TYW1: variants seen among roughly 807,000 people sequenced by gnomAD.
TYW1 encodes the protein tRNA-yW synthesizing protein 1 homolog, also known as S-adenosyl-L-methionine-dependent tRNA 4-demethylwyosine synthase TYW1.
TYW1 carries 46 observed loss-of-function variants against 96.2 expected under a neutral mutation model. That is an observed-to-expected ratio of 0.48 (90% confidence interval 0.38 to 0.61). The LOEUF is 0.61. Ranked by LOEUF, TYW1 falls within the 20% of genes least tolerant of loss-of-function variation. The pLI, the probability that TYW1 is intolerant of heterozygous loss-of-function variation, is 0.00. For missense variants in TYW1, 684 were observed against 909.6 expected, an observed-to-expected ratio of 0.75 and a Z score of 3.19; for synonymous variants, 274 against 323.0, an observed-to-expected ratio of 0.85 and a Z score of 1.63.
intron 13 of TYW1, among the ~76,000 whole-genome samples, chr7:67,178,135 G>T (rs1341099929): frequency 6.6e-6 from 1 of 151,550 alleles, no homozygotes; most frequent in African/African-American, 2.4e-5. Flanking sequence ...CTGCACTCCA[G>T]CCTGAGTGGT....
At chr7:67,031,813 A>G (rs1415841255) in intron 7 of TYW1, among the ~76,000 whole-genome samples, 1 of 147,416 alleles carries the variant, frequency 6.8e-6, no homozygotes, top group Non-Finnish European at 1.5e-5. Flanking sequence ...GTGCCTTTAC[A>G]AATGGAGAGA....
intron 13 of TYW1, among the ~76,000 whole-genome samples, chr7:67,142,135 G>A (rs535172923): frequency 2.3e-4 from 35 of 152,162 alleles, no homozygotes; most frequent in Admixed American, 1.3e-3. Flanking sequence ...TTGTTCTGTC[G>A]CCCAGGCTGG....
At chr7:67,002,308 C>T (rs1422361396) in intron 3 of TYW1, among the ~76,000 whole-genome samples, 4 of 151,076 alleles carry the variant, frequency 2.6e-5, no homozygotes, top group Admixed American at 6.7e-5. Context: ...TCTAGGATTA[C>T]AGGCATGAAC....
At chr7:67,064,284 G>C (rs1256233411) in intron 9 of TYW1, among the ~76,000 whole-genome samples, 4 of 152,202 alleles carry the variant, frequency 2.6e-5, no homozygotes, top group African/African-American at 9.6e-5. Flanking sequence ...AGTTCACTCT[G>C]ATCTTGTAGC....
intron 15 of TYW1, among the ~76,000 whole-genome samples, chr7:67,201,688 G>T (rs1800604670): frequency 6.6e-6 from 1 of 152,034 alleles, no homozygotes; most frequent in Non-Finnish European, 1.5e-5. Context: ...ATTATGAGAA[G>T]TTGTCCTTAG....
At position 67,046,264 on chromosome 7, in the gene TYW1, GCCCTTTGGTTCTGC is replaced by G. The variant is rs1406563343; in HGVS notation, c.985-3684_985-3671del. On this transcript the variant is annotated intron_variant, in intron 7 of 15. Coordinates refer to ENST00000359626, the MANE Select transcript of TYW1 (RefSeq NM_018264.4). The stretch of plus-strand genomic sequence containing the variant: ...TAATTCTCTCTTTTCCCTGATCCGA[GCCCTTTGGTTCTGC>G]TTGTGGTTGACTTTTTAGTTCTGAT... 3.3e-5 allele frequency among the ~76,000 whole-genome samples: 5 copies of G among 152,190 alleles called. No individual in the cohort carries two copies. In the East Asian group the frequency reaches 9.7e-4, roughly 29 times the overall value.
intron 3 of TYW1, among the ~76,000 whole-genome samples, chr7:67,004,790 C>G (rs1408516768): frequency 1.3e-5 from 2 of 152,290 alleles, no homozygotes; most frequent in Middle Eastern, 3.4e-3. Context: ...GAGTCTTTCT[C>G]TGTCACCCAG....
At chr7:67,148,997 C>G (rs111531424) in intron 13 of TYW1, among the ~76,000 whole-genome samples, 1 of 152,096 alleles carries the variant, frequency 6.6e-6, no homozygotes, top group African/African-American at 2.4e-5. Context: ...GAAGTCATCG[C>G]GCACCACCCC....
intron 7 of TYW1, among the ~76,000 whole-genome samples, chr7:67,036,699 C>T (rs563913199): frequency 9.2e-5 from 14 of 152,324 alleles, no homozygotes; most frequent in Admixed American, 2.6e-4. Context: ...CCAGGCAGTT[C>T]TGCAGGAATA....
chr7:67,210,901 T>C (rs567495262), intron 15 of TYW1, among the ~76,000 whole-genome samples: 10,919 of 103,658 alleles, frequency 0.11, 566 homozygotes, highest in African/African-American at 0.18. Flanking sequence ...TCTATCCATC[T>C]GTCCATCCAT....
At chr7:67,181,986 G>A (rs1423151242) in intron 13 of TYW1, among the ~76,000 whole-genome samples, 5 of 151,920 alleles carry the variant, frequency 3.3e-5, no homozygotes, top group Non-Finnish European at 5.9e-5. Flanking sequence ...ATGCCGCCAC[G>A]CCTGGCTCAT....
chr7:67,042,176 GA>G (rs1020045270), intron 7 of TYW1, among the ~76,000 whole-genome samples: 13 of 147,188 alleles, frequency 8.8e-5, no homozygotes, highest in Admixed American at 2.1e-4. Context: ...ATTAGAATTA[GA>G]ATATAATATT....
rs1322115849 is a variant in TYW1, at chr7:67,049,881, A to G, written c.985-68A>G. On this transcript the variant is annotated intron_variant, in intron 7 of 15. Coordinates refer to ENST00000359626, the MANE Select transcript of TYW1 (RefSeq NM_018264.4). ...ACCTTTTTATTGATGCTAGGTGTTC[A>G]TGATTGTGCTGTTATTTACATTGCA... 23 of 1,588,218 alleles carry G rather than the reference A, an allele frequency of 1.4e-5. No homozygotes were observed. In the East Asian group the frequency reaches 4.5e-4, roughly 31 times the overall value.
At chr7:67,023,097 T>G (rs1450719306) in intron 6 of TYW1, among the ~76,000 whole-genome samples, 3 of 152,152 alleles carry the variant, frequency 2.0e-5, no homozygotes, top group Non-Finnish European at 4.4e-5. Context: ...AATTTAATTT[T>G]TTTCTTTTCT....
rs1487670069 is a variant in TYW1, at chr7:67,018,249, G to A, written c.861+106G>A. ...CATCTCGTTGGCTTCTGGTTAGAAG[G>A]AAGATCTGGCTGAGTGCAGTGGCTC... On this transcript the variant is annotated intron_variant, in intron 6 of 15. Coordinates refer to ENST00000359626, the MANE Select transcript of TYW1 (RefSeq NM_018264.4). 74 of 1,442,656 alleles carry A rather than the reference G, an allele frequency of 5.1e-5. 1 individual carries two copies. Among genetic ancestry groups the A allele is most frequent in the Non-Finnish European group, 5.5e-5 (59 of 1,072,988 alleles). The allele number at this position is 1,442,656 out of a possible 1,614,324, so 89.4% of individuals were successfully genotyped here.
intron 13 of TYW1, among the ~76,000 whole-genome samples, chr7:67,174,072 G>T (rs1204194500): frequency 6.8e-6 from 1 of 146,170 alleles, no homozygotes. Context: ...CACAGTGCTG[G>T]TCTTTTGTTT....
intron 13 of TYW1, among the ~76,000 whole-genome samples, chr7:67,120,083 CT>C (rs923253831): frequency 7.2e-6 from 1 of 138,348 alleles, no homozygotes; most frequent in Non-Finnish European, 1.6e-5. Flanking sequence ...TTTTTTTCTT[CT>C]TTTTTTTCTT....
At chr7:67,068,661 A>G (rs970092370) in intron 10 of TYW1, among the ~76,000 whole-genome samples, 2 of 152,130 alleles carry the variant, frequency 1.3e-5, no homozygotes, top group Non-Finnish European at 2.9e-5. Flanking sequence ...TGATGGTAGG[A>G]GAAGTAAACC....
intron 15 of TYW1, among the ~76,000 whole-genome samples, chr7:67,220,441 G>A (rs1801352129): frequency 6.6e-6 from 1 of 151,972 alleles, no homozygotes; most frequent in African/African-American, 2.4e-5. Context: ...CTGACCTCGT[G>A]ATCCGCCTGC....
Sources: allele counts gnomAD v4.1 joint callset (sites outside exome capture counted in the v4.1 genomes callset), GRCh38; gene constraint gnomAD v4.1.1; transcripts MANE v1.5; gene names NCBI Gene and HGNC (gene_info 2026-07-23, HGNC 2026-07-21).